SAXO1: variants seen among roughly 807,000 people sequenced by gnomAD.
SAXO1 encodes 4930500O09Rik.
A neutral mutation model predicts 17.5 loss-of-function variants in SAXO1; 21 were observed. The observed-to-expected ratio is 1.20, with a 90% CI of 0.85 to 1.72. SAXO1 has a LOEUF of 1.72. Ranked by LOEUF, SAXO1 falls within the 40% of genes most tolerant of loss-of-function variation. The probability of loss-of-function intolerance (pLI) is 0.00; values close to 1 mark genes in which losing one functional copy is unlikely to be tolerated. For synonymous variants in SAXO1, 274 were observed against 216.5 expected (o/e 1.27, Z -2.33); for missense variants, 843 against 596.0 (o/e 1.41, Z -4.32).
chr9:18,983,252 A>T (rs925054273), intron 1 of SAXO1, among the ~76,000 whole-genome samples: 10 of 152,146 alleles, frequency 6.6e-5, no homozygotes, highest in African/African-American at 1.9e-4. Flanking sequence ...CAGAAGGTGA[A>T]GGGGAAGCAA....
At chr9:18,988,843 G>T (rs992230199) in intron 1 of SAXO1, among the ~76,000 whole-genome samples, 1 of 152,024 alleles carries the variant, frequency 6.6e-6, no homozygotes, top group Non-Finnish European at 1.5e-5. Flanking sequence ...AATATGATTC[G>T]CTTTATAATG....
chr9:19,038,441 G>A lies in SAXO1; in HGVS notation c.-158+10768C>T, dbSNP rs1406913687. ...ACTATGCAGCCATAAAAAATGATGAGCTCATGTCCTTTGTAGGGACATGGA... is the reference window on the plus strand; with the variant it reads ...ACTATGCAGCCATAAAAAATGATGAACTCATGTCCTTTGTAGGGACATGGA... On this transcript the variant is annotated intron_variant, in intron 1 of 3. Transcript: ENST00000542071. 3.9e-5 allele frequency among the ~76,000 whole-genome samples: 6 copies of A among 152,012 alleles called. No homozygotes were observed. In the East Asian group the frequency reaches 1.2e-3, roughly 29 times the overall value.
At chr9:18,988,852 T>C (rs1330231495) in intron 1 of SAXO1, among the ~76,000 whole-genome samples, 4 of 152,314 alleles carry the variant, frequency 2.6e-5, no homozygotes, top group Admixed American at 1.3e-4. Context: ...CGCTTTATAA[T>C]GATTCACTTT....
chr9:19,046,203 G>T (rs1836212480), intron 1 of SAXO1, among the ~76,000 whole-genome samples: 1 of 151,602 alleles, frequency 6.6e-6, no homozygotes, highest in African/African-American at 2.4e-5. Flanking sequence ...TCCTCAGAGA[G>T]ATAAAAGAAT....
intron 1 of SAXO1, among the ~76,000 whole-genome samples, chr9:19,024,012 C>CTTTTTTTTTTTT (rs71333077): frequency 5.2e-5 from 2 of 38,116 alleles, no homozygotes; most frequent in African/African-American, 1.1e-4. Context: ...CTCTTTAAGG[C>CTTTTTTTTTTTT]TTTTTTTTTT....
chr9:19,023,204 G>C (rs922047833), intron 1 of SAXO1, among the ~76,000 whole-genome samples: 3 of 128,066 alleles, frequency 2.3e-5, no homozygotes, highest in African/African-American at 9.2e-5. Context: ...TTACATGCAA[G>C]TTAGTAAACA....
chr9:19,011,509 T>C (rs1368059515), intron 1 of SAXO1, among the ~76,000 whole-genome samples: 2 of 152,182 alleles, frequency 1.3e-5, no homozygotes, highest in Non-Finnish European at 2.9e-5. Context: ...AGCATCCAAG[T>C]TTCTTGTGTG....
At chr9:18,952,760 A>C (rs1832084197) in intron 1 of SAXO1, among the ~76,000 whole-genome samples, 2 of 152,208 alleles carry the variant, frequency 1.3e-5, no homozygotes, top group African/African-American at 4.8e-5. Context: ...TTATAGTATA[A>C]ATATCTAAAT....
chr9:18,942,438 C>T (rs1296545971), intron 2 of SAXO1, among the ~76,000 whole-genome samples: 2 of 152,168 alleles, frequency 1.3e-5, no homozygotes, highest in African/African-American at 4.8e-5. Flanking sequence ...TTCCACCCAA[C>T]CCCTTCACTG....
At chr9:18,966,703 G>A (rs1416495472) in intron 1 of SAXO1, among the ~76,000 whole-genome samples, 1 of 152,112 alleles carries the variant, frequency 6.6e-6, no homozygotes, top group Non-Finnish European at 1.5e-5. Context: ...CTTTGTCTTG[G>A]AAGAGTTTGT....
chr9:19,010,554 G>A (rs138274511), intron 1 of SAXO1, among the ~76,000 whole-genome samples: 5 of 151,554 alleles, frequency 3.3e-5, no homozygotes, highest in African/African-American at 7.3e-5. Context: ...CTGACCACCC[G>A]AAACAGTGAA....
rs541976038 is a variant in SAXO1, at chr9:19,014,696, G to A, written c.38+18175C>T. Among the ~76,000 whole-genome samples the A allele has an allele frequency of 2.3e-4, 35 of 152,246 alleles. No homozygotes were observed. The South Asian group carries it at 6.6e-3, about 29-fold the overall frequency. The stretch of plus-strand genomic sequence containing the variant: ...TTCATAGATTTAAGACTTCCTCTGA[G>A]AGGGGCTTAGAGGCTCAGGAGGTCC... On this transcript the variant is annotated intron_variant, in intron 1 of 3. Coordinates refer to ENST00000380534, the MANE Select transcript of SAXO1 (RefSeq NM_153707.4).
chr9:18,950,312 A>G (rs1314691724), intron 2 of SAXO1, among the ~76,000 whole-genome samples: 2 of 151,942 alleles, frequency 1.3e-5, no homozygotes, highest in Non-Finnish European at 2.9e-5. Context: ...TTAAGGGGAG[A>G]AAAAAAAGCT....
At position 19,026,917 on chromosome 9, in the gene SAXO1, A is replaced by G. The variant is rs190046222; in HGVS notation, c.38+5954T>C. 64 of 780,944 alleles carry G rather than the reference A, an allele frequency of 8.2e-5. No homozygotes were observed. The African/African-American group carries it at 9.5e-4, about 12-fold the overall frequency. The allele number at this position is 780,944 out of a possible 1,614,324, so 48.4% of individuals were successfully genotyped here. A position where few individuals can be genotyped will look rare whatever the true frequency, so the allele number is the denominator to read the frequency against. Reference sequence around the variant, plus strand: ...ATGGCAACCGTGTGGGATGAGGCCAAGCAAGATGGAACTGGGGTGGAGGTG... The same window carrying G: ...ATGGCAACCGTGTGGGATGAGGCCAGGCAAGATGGAACTGGGGTGGAGGTG... On this transcript the variant is annotated intron_variant, in intron 1 of 3. Coordinates refer to ENST00000380534, the MANE Select transcript of SAXO1 (RefSeq NM_153707.4).
intron 1 of SAXO1, among the ~76,000 whole-genome samples, chr9:18,990,164 T>C (rs1487598437): frequency 9.5e-6 from 1 of 105,384 alleles, no homozygotes; most frequent in Non-Finnish European, 2.5e-5. Flanking sequence ...GCAGGAGTCA[T>C]GGACTTTTTT....
chr9:19,030,756 G>C (rs1835728233), intron 1 of SAXO1, among the ~76,000 whole-genome samples: 1 of 152,162 alleles, frequency 6.6e-6, no homozygotes, highest in South Asian at 2.1e-4. Flanking sequence ...GTTTGAGGGA[G>C]AGTAAGAGAT....
intron 1 of SAXO1, among the ~76,000 whole-genome samples, chr9:18,962,384 A>G (rs1832523986): frequency 6.6e-6 from 1 of 152,106 alleles, no homozygotes; most frequent in African/African-American, 2.4e-5. Context: ...GGGGATTTGC[A>G]TTTCTCTAAT....
At chr9:18,984,279 C>T (rs1276102046) in intron 1 of SAXO1, among the ~76,000 whole-genome samples, 1 of 152,198 alleles carries the variant, frequency 6.6e-6, no homozygotes, top group Non-Finnish European at 1.5e-5. Flanking sequence ...GGTAAATGGG[C>T]ATCCGCTTCA....
intron 1 of SAXO1, among the ~76,000 whole-genome samples, chr9:18,970,050 G>A (rs1832889175): frequency 6.6e-6 from 1 of 152,120 alleles, no homozygotes; most frequent in Non-Finnish European, 1.5e-5. Context: ...CTTGGAGATG[G>A]GGGTTGTATG....
Sources: gnomAD v4.1 joint callset for allele counts (sites outside exome capture counted in the v4.1 genomes callset) on GRCh38, gnomAD v4.1.1 for gene constraint, MANE v1.5 for transcripts, NCBI Gene and HGNC (gene_info 2026-07-23, HGNC 2026-07-21) for gene names.